The following MAP4 variants were observed in gnomAD, a reference collection of about 807,000 sequenced individuals.
The protein encoded by MAP4 is microtubule associated protein 4, also known as microtubule-associated protein 4.
A neutral mutation model predicts 170.2 loss-of-function variants in MAP4; 76 were observed. That is an observed-to-expected ratio of 0.45 (90% CI 0.37 to 0.54). The LOEUF is 0.54. Among genes scored for constraint, MAP4 ranks in the 20% least tolerant of loss-of-function variants. The pLI, the probability that MAP4 is intolerant of heterozygous loss-of-function variation, is 0.00. For synonymous variants in MAP4, 909 were observed against 994.5 expected (o/e 0.91, Z 1.62); for missense variants, 2,506 against 2,748.0 (o/e 0.91, Z 1.97).
At chr3:48,056,703 G>C (rs2100131993) in intron 1 of MAP4, among the ~76,000 whole-genome samples, 14 of 108,770 alleles carry the variant, frequency 1.3e-4, no homozygotes, top group Non-Finnish European at 3.8e-5. Flanking sequence ...CGCCCCGTCT[G>C]GGAGGTGAGG....
intron 10 of MAP4, chr3:47,891,954 C>T (rs1284094796): frequency 2.6e-6 from 4 of 1,536,124 alleles, no homozygotes; most frequent in African/African-American, 2.7e-5. Context: ...ACACTGGTTT[C>T]CTGCTCCTTA....
At chr3:48,021,055 G>A (rs2100110308), upstream of MAP4, among the ~76,000 whole-genome samples, 1 of 152,112 alleles carries the variant, frequency 6.6e-6, no homozygotes, top group Admixed American at 6.5e-5. Context: ...ACAATTGAGG[G>A]TCACTGAATT....
At chr3:48,077,631 C>T (rs955946283) in intron 1 of MAP4, among the ~76,000 whole-genome samples, 2 of 151,732 alleles carry the variant, frequency 1.3e-5, no homozygotes, top group African/African-American at 4.8e-5. Context: ...TGTGCCACCA[C>T]GCCTGGCGAT....
chr3:47,867,437 A>C, intron 16 of MAP4, 99 bp from the exon 17 acceptor site: 1 of 785,090 alleles, frequency 1.3e-6, no homozygotes, highest in Admixed American at 2.2e-5. Flanking sequence ...ACAATGACCA[A>C]CAAAAAGTGT....
rs535022649 is a variant in MAP4, at chr3:48,021,492, C to T, written c.-19-22613G>A. Among the ~76,000 whole-genome samples the T allele has an allele frequency of 3.1e-3, 467 of 152,200 alleles. 1 individual carries two copies. The highest frequency in any genetic ancestry group is 5.2e-3 in the Non-Finnish European group (353 of 68,004). ...CCTCCTGAATAGCTGGGACCACAGGCGTGCGCCACCACATCCGGCTAATTT... is the reference window on the plus strand; with the variant it reads ...CCTCCTGAATAGCTGGGACCACAGGTGTGCGCCACCACATCCGGCTAATTT... On this transcript the variant is annotated intron_variant, in intron 1 of 18. Transcript: ENST00000360240.
At chr3:47,918,891 A>G in intron 5 of MAP4, 50 bp from the exon 6 acceptor site, 1 of 1,497,870 alleles carries the variant, frequency 6.7e-7, no homozygotes, top group Non-Finnish European at 9.2e-7. Context: ...TAAACATTGG[A>G]AACAAAAGGT....
chr3:47,853,997 GAAGA>G (rs1276107706), intron 19 of MAP4, among the ~76,000 whole-genome samples: 2 of 152,214 alleles, frequency 1.3e-5, no homozygotes, highest in African/African-American at 4.8e-5. Flanking sequence ...GGAAGGCAGA[GAAGA>G]GAGAACAGCT....
intron 1 of MAP4, among the ~76,000 whole-genome samples, chr3:48,084,986 G>C (rs2100148373): frequency 6.6e-6 from 1 of 151,754 alleles, no homozygotes; most frequent in African/African-American, 2.4e-5. Flanking sequence ...CTCACTCCTA[G>C]CAATAAGTCT....
chr3:48,038,442 T>C (rs895931293), intron 1 of MAP4, among the ~76,000 whole-genome samples: 1 of 150,606 alleles, frequency 6.6e-6, no homozygotes, highest in Non-Finnish European at 1.5e-5. Context: ...ATCCATACTA[T>C]GTACAATGCA....
chr3:48,073,252 TACACACACACACACAC>T (rs35163339), intron 1 of MAP4, among the ~76,000 whole-genome samples: 5,271 of 134,352 alleles, frequency 0.039, 116 homozygotes, highest in Middle Eastern at 0.043. Flanking sequence ...TCCAAAGGAA[TACACACACACACACAC>T]ACACACACAC....
chr3:47,958,899 G>A (rs1224354782), intron 3 of MAP4, among the ~76,000 whole-genome samples: 1 of 151,948 alleles, frequency 6.6e-6, no homozygotes, highest in Non-Finnish European at 1.5e-5. Flanking sequence ...GGCCAGGATG[G>A]TCTTGATCTC....
intron 3 of MAP4, among the ~76,000 whole-genome samples, chr3:47,970,065 T>C (rs1348769329): frequency 6.6e-6 from 1 of 152,190 alleles, no homozygotes; most frequent in East Asian, 1.9e-4. Context: ...TTCCTCTAAT[T>C]TCACTTTTCC....
At chr3:48,064,037 C>T (rs916204743) in intron 1 of MAP4, among the ~76,000 whole-genome samples, 3 of 152,142 alleles carry the variant, frequency 2.0e-5, no homozygotes, top group East Asian at 1.9e-4. Flanking sequence ...AGACTTAGCC[C>T]AAACTAACTT....
intron 1 of MAP4, among the ~76,000 whole-genome samples, chr3:48,030,797 T>A (rs1446008101): frequency 1.1e-4 from 2 of 17,916 alleles, no homozygotes; most frequent in South Asian, 1.6e-3. Context: ...AGACTCCATC[T>A]CAAAAAAAAA....
chr3:48,013,084 T>C (rs1424732960), intron 1 of MAP4, among the ~76,000 whole-genome samples: 1 of 152,168 alleles, frequency 6.6e-6, no homozygotes, highest in Non-Finnish European at 1.5e-5. Flanking sequence ...AAATGCTCTA[T>C]AGATGTTAAA....
chr3:47,869,186 T>A (rs1424182755), intron 16 of MAP4, 28 bp downstream of exon 16: 1 of 1,516,556 alleles, frequency 6.6e-7, no homozygotes, highest in Non-Finnish European at 9.2e-7. Flanking sequence ...ATCTTCACCT[T>A]GCAGAGGTGG....
At chr3:48,080,278 A>G (rs1248156064) in intron 1 of MAP4, among the ~76,000 whole-genome samples, 1 of 152,242 alleles carries the variant, frequency 6.6e-6, no homozygotes, top group Non-Finnish European at 1.5e-5. Context: ...TATCTTGGGA[A>G]ATACCTGCAT....
intron 3 of MAP4, among the ~76,000 whole-genome samples, chr3:47,955,794 A>G (rs1406656472): frequency 6.6e-6 from 1 of 152,162 alleles, no homozygotes; most frequent in Admixed American, 6.5e-5. Context: ...TCAGAGCAAG[A>G]AAAGATTCTA....
intron 1 of MAP4, among the ~76,000 whole-genome samples, chr3:48,046,744 G>A (rs1192260834): frequency 6.6e-6 from 1 of 152,164 alleles, no homozygotes; most frequent in African/African-American, 2.4e-5. Flanking sequence ...CCTCTGTTGA[G>A]CTAGGTAAAT....
Sources: gnomAD v4.1 joint callset for allele counts (sites outside exome capture counted in the v4.1 genomes callset) on GRCh38, gnomAD v4.1.1 for gene constraint, MANE v1.5 for transcripts, NCBI Gene and HGNC (gene_info 2026-07-23, HGNC 2026-07-21) for gene names.